The following MRAP2 variants were observed in gnomAD, a reference collection of about 807,000 sequenced individuals.
The protein encoded by MRAP2 is melanocortin-2 receptor accessory protein 2.
A neutral mutation model predicts 17.4 loss-of-function variants in MRAP2; 20 were observed. The ratio of observed to expected loss-of-function variants is 1.15; its 90% CI spans 0.81 to 1.67. The LOEUF is 1.67. Ranked by LOEUF, MRAP2 falls within the 40% of genes most tolerant of loss-of-function variation. The pLI is 0.00. For missense variants in MRAP2, 238 were observed against 240.0 expected, an observed-to-expected ratio of 0.99 and a Z score of 0.05; for synonymous variants, 96 against 88.4, an observed-to-expected ratio of 1.09 and a Z score of -0.48.
chr6:84,060,750 A>G (rs558689117), intron 2 of MRAP2, among the ~76,000 whole-genome samples: 3 of 149,490 alleles, frequency 2.0e-5, no homozygotes, highest in Non-Finnish European at 4.4e-5. Context: ...CTGTGGCGCG[A>G]TCTTGGCTCA....
At chr6:84,034,018 G>A (rs549533117) in intron 1 of MRAP2, 135 bp downstream of exon 1, 50 of 658,222 alleles carry the variant, frequency 7.6e-5, no homozygotes, top group Non-Finnish European at 8.7e-5. Flanking sequence ...CTAGAGAATG[G>A]GGTGGGAGGA....
chr6:84,042,859 C>G (rs1023843083), intron 1 of MRAP2, among the ~76,000 whole-genome samples: 6 of 152,318 alleles, frequency 3.9e-5, no homozygotes, highest in Admixed American at 2.0e-4. Flanking sequence ...TGCTGTGTCT[C>G]AAGCTCTTAA....
intron 1 of MRAP2, among the ~76,000 whole-genome samples, chr6:84,053,251 C>A (rs995244271): frequency 2.0e-5 from 3 of 152,312 alleles, no homozygotes; most frequent in Non-Finnish European, 2.9e-5. Flanking sequence ...TTTAGTCCCT[C>A]CCTCTGCTCT....
At position 84,089,166 on chromosome 6, in the gene MRAP2, T is replaced by C. The variant is rs753127007; in HGVS notation, c.303T>C (p.Asp101=). The C allele has an allele frequency of 2.5e-6, 4 of 1,614,196 alleles. No individual in the cohort carries two copies. In the East Asian group the frequency reaches 6.7e-5, roughly 27 times the overall value. Reference sequence around the variant, plus strand: ...ACTTTGGAAGACCTCTGGAGCCAGATAAAGTATTTTCTCGCCAAGGCAACG... The same window carrying C: ...ACTTTGGAAGACCTCTGGAGCCAGACAAAGTATTTTCTCGCCAAGGCAACG... ...VSDFGRPLEP[D]KVFSRQGNEE... Residue 101 remains aspartate, a synonymous_variant, in exon 4 of 4, where the codon GAT becomes GAC. Transcript: ENST00000257776.
intron 2 of MRAP2, chr6:84,062,065 G>GT: frequency 3.0e-6 from 3 of 985,426 alleles, no homozygotes; most frequent in Admixed American, 6.1e-5. Context: ...CATGGTGAAC[G>GT]TAAGTGAGAA....
chr6:84,053,204 T>G (rs1368468444), intron 1 of MRAP2, among the ~76,000 whole-genome samples: 3 of 152,176 alleles, frequency 2.0e-5, no homozygotes, highest in Non-Finnish European at 2.9e-5. Context: ...CTTTATTCCT[T>G]TAAGTACTTT....
chr6:84,077,761 G>T (rs1588654911), intron 3 of MRAP2, among the ~76,000 whole-genome samples: 1 of 151,998 alleles, frequency 6.6e-6, no homozygotes, highest in Admixed American at 6.6e-5. Flanking sequence ...TGGCAGTGGT[G>T]GTCTAACTGG....
At chr6:84,084,860 T>A (rs1426768801) in intron 3 of MRAP2, among the ~76,000 whole-genome samples, 1 of 72,172 alleles carries the variant, frequency 1.4e-5, no homozygotes. Context: ...ATTTCATTTC[T>A]TTATTTTATT....
the MRAP2 span, among the ~76,000 whole-genome samples, chr6:84,106,484 G>A: frequency 5.7e-3 from 867 of 152,316 alleles, 12 homozygotes; most frequent in African/African-American, 0.019. Context: ...GGTCTCTGCT[G>A]CTGGCATATT....
At chr6:84,068,130 C>T (rs1213852847) in intron 3 of MRAP2, among the ~76,000 whole-genome samples, 1 of 152,126 alleles carries the variant, frequency 6.6e-6, no homozygotes, top group African/African-American at 2.4e-5. Context: ...ATCCCAGCGC[C>T]ATTTGTTCAA....
the MRAP2 span, among the ~76,000 whole-genome samples, chr6:84,107,125 G>A: frequency 3.5e-3 from 531 of 152,178 alleles, 3 homozygotes; most frequent in African/African-American, 0.011. Flanking sequence ...CCAAATGGCA[G>A]AGCAGTCTGT....
At chr6:84,062,373 C>G (rs2099493379) in intron 2 of MRAP2, 1 of 304,614 alleles carries the variant, frequency 3.3e-6, no homozygotes, top group Non-Finnish European at 4.8e-6. Context: ...TTTTCTGTCC[C>G]TAAATCTTAA....
At chr6:84,125,393 A>G in the MRAP2 span, 5 of 795,744 alleles carry the variant, frequency 6.3e-6, no homozygotes, top group Non-Finnish European at 2.1e-6. Context: ...GTAAATCATA[A>G]TGCTCTGCGT....
intron 2 of MRAP2, among the ~76,000 whole-genome samples, chr6:84,059,499 C>G (rs2099492539): frequency 6.6e-6 from 1 of 152,162 alleles, no homozygotes; most frequent in African/African-American, 2.4e-5. Context: ...GGAAAGTTCA[C>G]CATTTATTCT....
At chr6:84,081,163 G>T (rs939066507) in intron 3 of MRAP2, among the ~76,000 whole-genome samples, 1 of 152,130 alleles carries the variant, frequency 6.6e-6, no homozygotes, top group Non-Finnish European at 1.5e-5. Flanking sequence ...CCAGCAAAAC[G>T]TATTGATTGT....
chr6:84,137,982 G>A, the MRAP2 span, among the ~76,000 whole-genome samples: 31 of 152,246 alleles, frequency 2.0e-4, 1 homozygote, highest in East Asian at 6.0e-3. Flanking sequence ...ATAATGAAGA[G>A]TTTAGAAACA....
chr6:84,035,521 T>G (rs775999992), intron 1 of MRAP2: 1 of 557,612 alleles, frequency 1.8e-6, no homozygotes, highest in Non-Finnish European at 2.3e-6. Context: ...AATAGCAGTT[T>G]TTAAAACATG....
At chr6:84,113,189 G>C in the MRAP2 span, among the ~76,000 whole-genome samples, 1 of 152,172 alleles carries the variant, frequency 6.6e-6, no homozygotes, top group African/African-American at 2.4e-5. Context: ...AATATTGACA[G>C]TAGGGTAAAG....
the MRAP2 span, among the ~76,000 whole-genome samples, chr6:84,109,157 T>C: frequency 6.6e-6 from 1 of 152,212 alleles, no homozygotes; most frequent in Non-Finnish European, 1.5e-5. Flanking sequence ...CTTTTTGGGC[T>C]CTTTTTTGAT....
Sources: allele counts gnomAD v4.1 joint callset (sites outside exome capture counted in the v4.1 genomes callset), GRCh38; gene constraint gnomAD v4.1.1; transcripts MANE v1.5; gene names NCBI Gene and HGNC (gene_info 2026-07-23, HGNC 2026-07-21).